SORD: variants seen among roughly 807,000 people sequenced by gnomAD.
SORD encodes sorbitol dehydrogenase.
SORD carries 18 observed loss-of-function variants against 35.6 expected under a neutral mutation model. The observed-to-expected ratio is 0.51, with a 90% CI of 0.35 to 0.75. The LOEUF (loss-of-function observed/expected upper bound fraction) is 0.75. Ranked by LOEUF, SORD falls within the 30% of genes least tolerant of loss-of-function variation. SORD has a pLI of 0.01. For missense variants in SORD, 250 were observed against 390.2 expected (o/e 0.64, Z 3.03); for synonymous variants, 106 against 152.9 (o/e 0.69, Z 2.26).
chr15:45,036,217 G>C, intron 1 of SORD: 1 of 410,752 alleles, frequency 2.4e-6, no homozygotes, highest in Non-Finnish European at 4.8e-6. Flanking sequence ...AGGGTCCGCA[G>C]CTTCATTGTT....
intron 1 of SORD, among the ~76,000 whole-genome samples, chr15:45,034,804 G>A (rs1431986311): frequency 1.3e-5 from 2 of 152,242 alleles, no homozygotes; most frequent in African/African-American, 2.4e-5. Flanking sequence ...GGCCGGAGCC[G>A]GCTCCCTCAG....
chr15:45,025,784 C>T (rs1287156006), intron 1 of SORD, among the ~76,000 whole-genome samples: 3 of 152,094 alleles, frequency 2.0e-5, no homozygotes, highest in Non-Finnish European at 2.9e-5. Context: ...TGCACTGCCC[C>T]GCCACCCAGG....
intron 7 of SORD, among the ~76,000 whole-genome samples, chr15:45,071,048 A>T (rs1031310613): frequency 6.6e-6 from 1 of 152,256 alleles, no homozygotes; most frequent in African/African-American, 2.4e-5. Flanking sequence ...AATATGGACA[A>T]ATCTGAGCAT....
intron 1 of SORD, among the ~76,000 whole-genome samples, chr15:45,035,659 C>G (rs550540278): frequency 6.6e-6 from 1 of 152,174 alleles, no homozygotes; most frequent in Admixed American, 6.5e-5. Flanking sequence ...AAGCTTTGTT[C>G]TTTCGCTCTT....
intron 1 of SORD, among the ~76,000 whole-genome samples, chr15:45,030,731 T>G (rs2141263606): frequency 6.6e-6 from 1 of 152,360 alleles, no homozygotes; most frequent in African/African-American, 2.4e-5. Flanking sequence ...TGATGAAAAT[T>G]AAATAGTCCT....
chr15:45,054,593 G>A (rs1264574466), intron 3 of SORD, among the ~76,000 whole-genome samples: 1 of 151,962 alleles, frequency 6.6e-6, no homozygotes, highest in Non-Finnish European at 1.5e-5. Context: ...CATTTTGTAG[G>A]TTGCCTGTTC....
intron 3 of SORD, among the ~76,000 whole-genome samples, chr15:45,059,932 C>G (rs1390605936): frequency 6.6e-6 from 1 of 151,714 alleles, no homozygotes; most frequent in African/African-American, 2.4e-5. Flanking sequence ...ATCTGTGGTA[C>G]AAAAAAAAGT....
Position 45,048,737 on chromosome 15 carries a change from C to T in SORD, c.265+5316C>T, listed in dbSNP as rs138993414. Among the ~76,000 whole-genome samples the T allele has an allele frequency of 8.9e-4, 135 of 151,908 alleles. 4 individuals carry two copies. Among genetic ancestry groups the T allele is most frequent in the African/African-American group, 3.0e-3 (123 of 41,408 alleles). ...GTGGACACCAAGAGTGAGGTTGGAA[C>T]GAAAGTTTAATAAGTGAAAGAAGAA... is the stretch of plus-strand genomic sequence containing the variant. On this transcript the variant is annotated intron_variant, in intron 3 of 8. Coordinates refer to ENST00000267814, the MANE Select transcript of SORD (RefSeq NM_003104.6).
chr15:45,046,538 C>T (rs1223677004), intron 3 of SORD, among the ~76,000 whole-genome samples: 1 of 152,200 alleles, frequency 6.6e-6, no homozygotes, highest in Non-Finnish European at 1.5e-5. Flanking sequence ...AACCACCATG[C>T]CCAGCTAAAT....
intron 1 of SORD, among the ~76,000 whole-genome samples, chr15:45,024,177 C>A (rs1001837104): frequency 2.0e-5 from 3 of 152,182 alleles, no homozygotes; most frequent in African/African-American, 7.2e-5. Context: ...TTGACAAAGT[C>A]CCTCTCAGAT....
intron 3 of SORD, among the ~76,000 whole-genome samples, chr15:45,053,749 T>C (rs1893166637): frequency 6.7e-6 from 1 of 149,282 alleles, no homozygotes; most frequent in South Asian, 2.2e-4. Flanking sequence ...ACCCATTAAC[T>C]CATCATTTAG....
chr15:45,037,962 T>TA (rs11307522), intron 1 of SORD, among the ~76,000 whole-genome samples: 194 of 136,290 alleles, frequency 1.4e-3, no homozygotes, highest in Middle Eastern at 0.011. Context: ...GAACTTAAAG[T>TA]AAAAAAAAAA....
intron 3 of SORD, among the ~76,000 whole-genome samples, chr15:45,045,988 A>G (rs1366602702): frequency 6.6e-6 from 1 of 152,040 alleles, no homozygotes; most frequent in Admixed American, 6.6e-5. Flanking sequence ...GTGACAAAGC[A>G]AGACTCTATC....
chr15:45,049,189 A>T (rs2041817798), intron 3 of SORD, among the ~76,000 whole-genome samples: 1 of 152,072 alleles, frequency 6.6e-6, no homozygotes, highest in South Asian at 2.1e-4. Context: ...AAAGCATTTC[A>T]CCAAGGACCT....
At chr15:45,025,133 T>C (rs1892649978) in intron 1 of SORD, among the ~76,000 whole-genome samples, 1 of 152,166 alleles carries the variant, frequency 6.6e-6, no homozygotes, top group Admixed American at 6.5e-5. Context: ...AGGGGCTAGG[T>C]TGGGGTGGCT....
At chr15:45,034,977 G>A (rs1172194028) in intron 1 of SORD, among the ~76,000 whole-genome samples, 4 of 152,192 alleles carry the variant, frequency 2.6e-5, no homozygotes, top group Non-Finnish European at 1.5e-5. Flanking sequence ...TTAGCACCCG[G>A]GCCAGCGGCT....
intron 4 of SORD, among the ~76,000 whole-genome samples, chr15:45,063,885 T>G (rs1893363267): frequency 3.5e-5 from 5 of 142,148 alleles, no homozygotes; most frequent in African/African-American, 7.8e-5. Context: ...AGCAGGAGAG[T>G]GGATTGGAGT....
intron 1 of SORD, among the ~76,000 whole-genome samples, chr15:45,025,624 C>CT (rs1892656250): frequency 2.9e-5 from 2 of 68,256 alleles, no homozygotes; most frequent in Non-Finnish European, 6.6e-5. Flanking sequence ...AAAACTATGT[C>CT]AAAAAAAAAA....
intron 3 of SORD, among the ~76,000 whole-genome samples, chr15:45,058,288 T>G (rs764510939): frequency 3.3e-5 from 5 of 152,116 alleles, no homozygotes; most frequent in Non-Finnish European, 5.9e-5. Flanking sequence ...CTTCCAACCC[T>G]ATGTGATGGC....
Sources: allele counts gnomAD v4.1 joint callset (sites outside exome capture counted in the v4.1 genomes callset), GRCh38; gene constraint gnomAD v4.1.1; transcripts MANE v1.5; gene names NCBI Gene and HGNC (gene_info 2026-07-23, HGNC 2026-07-21).